LRP3: variants seen among roughly 807,000 people sequenced by gnomAD.
LRP3 encodes the protein LDL receptor related protein 3, also known as low-density lipoprotein receptor-related protein 3.
LRP3 carries 49 observed loss-of-function variants against 58.5 expected under a neutral mutation model. The ratio of observed to expected loss-of-function variants is 0.84; its 90% CI spans 0.67 to 1.06. The LOEUF is 1.06. Among genes scored for constraint, LRP3 ranks in the 50% least tolerant of loss-of-function variants. The pLI is 0.00. For missense variants in LRP3, 1,019 were observed against 1,134.2 expected (o/e 0.90, Z 1.46); for synonymous variants, 485 against 492.2 (o/e 0.99, Z 0.20).
At chr19:33,203,906 G>A (rs74448112) in intron 3 of LRP3, 6,454 of 152,418 alleles carry the variant, frequency 0.042, 160 homozygotes, top group South Asian at 0.099. Context: ...AAGGGGGCCA[G>A]GCAGTGAGCG....
At chr19:33,195,212 C>G (rs1974273657) in intron 1 of LRP3, among the ~76,000 whole-genome samples, 1 of 152,184 alleles carries the variant, frequency 6.6e-6, no homozygotes, top group African/African-American at 2.4e-5. Flanking sequence ...CCGGCTGTCC[C>G]CTGAAGAAGA....
At chr19:33,203,470 C>T (rs905837536) in intron 3 of LRP3, among the ~76,000 whole-genome samples, 13 of 152,132 alleles carry the variant, frequency 8.5e-5, no homozygotes, top group Non-Finnish European at 1.5e-4. Flanking sequence ...GTGCAGAGAG[C>T]GTGTATGTGC....
Position 33,206,170 on chromosome 19 carries a change from G to T in LRP3, c.1400G>T (p.Cys467Phe). The change falls in exon 5 of 7, where the codon TGC (cysteine) becomes TTC (phenylalanine). Residue 467 changes from cysteine (C) to phenylalanine (F), a missense_variant. Around this residue, in one of 2 missense-constraint regions of LRP3, gnomAD observed 592 missense variants for 725.5 expected, o/e 0.82. Transcript: ENST00000253193. ...PGTFHCGTNL[C>F]IFETWRCDGQ... ...ACCTTCCACTGCGGTACCAACCTGT[G>T]CATCTTCGAGACGTGGCGCTGTGAC... is the stretch of plus-strand genomic sequence containing the variant. The T allele has an allele frequency of 6.3e-7, 1 of 1,598,336 alleles. No homozygotes were observed. Among genetic ancestry groups the T allele is most frequent in the Non-Finnish European group, 8.5e-7 (1 of 1,172,218 alleles).
chr19:33,202,123 C>T (rs1206826597), intron 2 of LRP3, among the ~76,000 whole-genome samples: 1 of 151,926 alleles, frequency 6.6e-6, no homozygotes, highest in East Asian at 1.9e-4. Flanking sequence ...GTTTCCTCAC[C>T]TGGTTCCGAG....
intron 5 of LRP3, 59 bp downstream of exon 5, chr19:33,206,421 C>G (rs1452392609): frequency 1.3e-6 from 2 of 1,597,560 alleles, no homozygotes; most frequent in African/African-American, 2.7e-5. Context: ...GCTTGCTGTC[C>G]CCGTAGCTGT....
chr19:33,204,244 G>A (rs756922321), intron 3 of LRP3: 5 of 213,494 alleles, frequency 2.3e-5, no homozygotes, highest in Admixed American at 5.3e-5. Context: ...CAGTGGTCCC[G>A]AGGTGGAGGG....
chr19:33,199,898 C>T (rs1195449620), intron 2 of LRP3, among the ~76,000 whole-genome samples: 1 of 152,124 alleles, frequency 6.6e-6, no homozygotes, highest in Non-Finnish European at 1.5e-5. Context: ...GGTGAGACAC[C>T]TGGCCCCCAA....
intron 3 of LRP3, chr19:33,204,046 G>C (rs767469889): frequency 1.3e-5 from 2 of 153,276 alleles, no homozygotes; most frequent in African/African-American, 2.4e-5. Flanking sequence ...GCTGCAATGC[G>C]TGAGGATGTG....
At chr19:33,202,381 A>T (rs936864594) in intron 2 of LRP3, among the ~76,000 whole-genome samples, 1 of 152,170 alleles carries the variant, frequency 6.6e-6, no homozygotes, top group Non-Finnish European at 1.5e-5. Flanking sequence ...CATGCTTGGC[A>T]TGTAGTAGGT....
In LRP3 at chr19:33,208,717, G is replaced by C; in HGVS notation, c.*1142G>C. 1.3e-6 allele frequency: 1 copy of C among 799,318 alleles called. No homozygotes were observed. Among genetic ancestry groups the C allele is most frequent in the Non-Finnish European group, 2.0e-6 (1 of 496,142 alleles). The allele number at this position is 799,318 out of a possible 1,614,324, so 49.5% of individuals were successfully genotyped here. A position where few individuals can be genotyped will look rare whatever the true frequency, so the allele number is the denominator to read the frequency against. On this transcript the variant is annotated 3_prime_UTR_variant, in exon 7 of 7. Coordinates refer to ENST00000253193, the MANE Select transcript of LRP3 (RefSeq NM_002333.4). The surrounding 1 kb of genome is among the most constrained non-coding windows in gnomAD (Gnocchi z 4.7). ...CTTTTCAGGAAGAGCTAGCAGGGCA[G>C]TGCTAAGACAGGAAACCCAGTCCAC...
chr19:33,204,235 A>G (rs899976934), intron 3 of LRP3: 2 of 202,066 alleles, frequency 9.9e-6, no homozygotes, highest in African/African-American at 4.6e-5. Flanking sequence ...GGCCCATCCC[A>G]GTGGTCCCGA....
intron 2 of LRP3, among the ~76,000 whole-genome samples, chr19:33,200,065 G>A (rs1475617296): frequency 6.6e-6 from 1 of 152,192 alleles, no homozygotes; most frequent in Non-Finnish European, 1.5e-5. Flanking sequence ...GAACATGGGA[G>A]GTTCCCAGCC....
In LRP3 at chr19:33,205,503, G is replaced by T; in HGVS notation, c.733G>T (p.Asp245Tyr). Reference protein sequence around the residue: ...DGLQDCGDGSDEAGCPDLACG... With the variant: ...DGLQDCGDGSYEAGCPDLACG... Reference sequence around the variant, plus strand: ...CTTGCAGGACTGCGGCGACGGCTCGGATGAGGCGGGCTGCCCCGACCTGGC... The same window carrying T: ...CTTGCAGGACTGCGGCGACGGCTCGTATGAGGCGGGCTGCCCCGACCTGGC... The change falls in exon 5 of 7, where the codon GAT becomes TAT. Residue 245 changes from aspartate to tyrosine, a missense_variant. Asp to Tyr is a radical substitution (Grantham distance 160, BLOSUM62 -3). This residue lies in a region of LRP3 where 592 missense variants were observed against 725.5 expected (regional missense o/e 0.82). Transcript: ENST00000253193. 1 of 1,557,516 alleles carries T rather than the reference G, an allele frequency of 6.4e-7. No homozygotes were observed.
rs746948080 is a variant in LRP3, at chr19:33,205,284, C to T, written c.514C>T (p.Arg172Cys). 2.0e-5 allele frequency: 32 copies of T among 1,610,364 alleles called. No individual in the cohort carries two copies. The highest frequency in any genetic ancestry group is 5.3e-5 in the African/African-American group (4 of 74,914). The change falls in exon 5 of 7, where the codon CGC becomes TGC. Residue 172 changes from arginine (R) to cysteine (C), a missense_variant. By Grantham distance (180) the Arg-to-Cys change is radical. Coordinates refer to ENST00000253193, the MANE Select transcript of LRP3 (RefSeq NM_002333.4). Reference protein sequence around the residue: ...GQASCQADEFRCDNGKCLPGP... With the variant: ...GQASCQADEFCCDNGKCLPGP... The stretch of plus-strand genomic sequence containing the variant: ...GGCATCCTGCCAGGCAGATGAGTTC[C>T]GCTGTGACAACGGCAAGTGCCTGCC...
At chr19:33,201,963 C>T (rs544239070) in intron 2 of LRP3, among the ~76,000 whole-genome samples, 1 of 152,298 alleles carries the variant, frequency 6.6e-6, no homozygotes, top group South Asian at 2.1e-4. Flanking sequence ...CTTTGCTCAA[C>T]CTGAGCGGTA....
Position 33,205,521 on chromosome 19 carries a change from G to T in LRP3, c.751G>T (p.Asp251Tyr), listed in dbSNP as rs934363658. The T allele has an allele frequency of 1.3e-6, 2 of 1,560,416 alleles. No individual in the cohort carries two copies. Among genetic ancestry groups the T allele is most frequent in the Non-Finnish European group, 1.7e-6 (2 of 1,157,936 alleles). ...GDGSDEAGCPDLACGRRLGSF... is the reference protein window; with the variant it reads ...GDGSDEAGCPYLACGRRLGSF... ...CGGCTCGGATGAGGCGGGCTGCCCCGACCTGGCGTGCGGCCGGCGGCTGGG... is the reference window on the plus strand; with the variant it reads ...CGGCTCGGATGAGGCGGGCTGCCCCTACCTGGCGTGCGGCCGGCGGCTGGG... The change falls in exon 5 of 7, where the codon GAC becomes TAC. Residue 251 changes from aspartate (D) to tyrosine (Y), a missense_variant. Physicochemically the swap from Asp to Tyr is radical, Grantham distance 160. Around this residue, in one of 2 missense-constraint regions of LRP3, gnomAD observed 592 missense variants for 725.5 expected, o/e 0.82. Coordinates refer to ENST00000253193, the MANE Select transcript of LRP3 (RefSeq NM_002333.4).
chr19:33,204,478 G>A, intron 3 of LRP3, 160 bp from the exon 4 acceptor site: 4 of 648,110 alleles, frequency 6.2e-6, no homozygotes, highest in Non-Finnish European at 1.1e-5. Flanking sequence ...GGCTGGGAGT[G>A]GAGGAACCAG....
chr19:33,199,157 A>G (rs192262235), intron 2 of LRP3, among the ~76,000 whole-genome samples: 2 of 152,148 alleles, frequency 1.3e-5, no homozygotes, highest in Admixed American at 1.3e-4. Context: ...ATTATCCCGC[A>G]AATCATGCAG....
At chr19:33,204,970 T>C (rs1765998020) in intron 4 of LRP3, 118 bp downstream of exon 4, 13 of 945,384 alleles carry the variant, frequency 1.4e-5, no homozygotes, top group East Asian at 5.2e-5. Context: ...GGATGTCCCC[T>C]GACCGCCCTG....
Sources: allele counts gnomAD v4.1 joint callset (sites outside exome capture counted in the v4.1 genomes callset), GRCh38; gene constraint gnomAD v4.1.1; regional missense constraint gnomAD v4.1.1; non-coding constraint Gnocchi (gnomAD v3.1); transcripts MANE v1.5; gene names NCBI Gene and HGNC (gene_info 2026-07-23, HGNC 2026-07-21).